ZNF385D: variants seen among roughly 807,000 people sequenced by gnomAD.
ZNF385D encodes the protein zinc finger protein 385D.
ZNF385D carries 15 observed loss-of-function variants against 35.8 expected under a neutral mutation model. That is an observed-to-expected ratio of 0.42 (90% CI 0.28 to 0.64). The LOEUF is 0.64. Among genes scored for constraint, ZNF385D ranks in the 30% least tolerant of loss-of-function variants. The probability of loss-of-function intolerance (pLI) is 0.23; values close to 1 mark genes in which losing one functional copy is unlikely to be tolerated. For synonymous variants in ZNF385D, 212 were observed against 186.8 expected, an observed-to-expected ratio of 1.13 and a Z score of -1.10; for missense variants, 474 against 494.6, an observed-to-expected ratio of 0.96 and a Z score of 0.39.
chr3:21,648,334 G>T (rs1017456155), intron 2 of ZNF385D, among the ~76,000 whole-genome samples: 1 of 152,104 alleles, frequency 6.6e-6, no homozygotes, highest in African/African-American at 2.4e-5. Flanking sequence ...TGCCATGATT[G>T]TGGGTTTCCT....
intron 3 of ZNF385D, among the ~76,000 whole-genome samples, chr3:21,885,629 T>G (rs978804894): frequency 1.3e-5 from 2 of 151,882 alleles, no homozygotes; most frequent in Non-Finnish European, 2.9e-5. Context: ...TTATATATTT[T>G]ATTGTTACTT....
At chr3:22,123,876 C>T (rs1263901461) in intron 3 of ZNF385D, among the ~76,000 whole-genome samples, 1 of 148,562 alleles carries the variant, frequency 6.7e-6, no homozygotes, top group African/African-American at 2.5e-5. Context: ...AAAACCAAAC[C>T]AAACCAAACC....
chr3:22,240,605 A>C (rs1368124781), intron 2 of ZNF385D, among the ~76,000 whole-genome samples: 3 of 151,044 alleles, frequency 2.0e-5, no homozygotes, highest in Non-Finnish European at 4.4e-5. Flanking sequence ...CCAGGGTAAG[A>C]AAGATGCCAG....
rs1702835602 is a variant in ZNF385D, at chr3:22,300,414, CA to C, written c.106+72035del. ...TTTTTTTTTTTTTTGGATATAACCCCAAAAGCACAGACAACAACAGGTAAAT... is the reference window on the plus strand; with the variant it reads ...TTTTTTTTTTTTTTGGATATAACCCCAAAGCACAGACAACAACAGGTAAAT... On this transcript the variant is annotated intron_variant, in intron 2 of 5. Coordinates refer to the ZNF385D transcript ENST00000494108. Among the ~76,000 whole-genome samples the C allele has an allele frequency of 1.3e-5, 2 of 150,546 alleles. 1 individual carries two copies. Among genetic ancestry groups the C allele is most frequent in the Non-Finnish European group, 3.0e-5 (2 of 67,606 alleles).
At chr3:21,778,092 C>T (rs1348551986) in intron 3 of ZNF385D, among the ~76,000 whole-genome samples, 2 of 151,804 alleles carry the variant, frequency 1.3e-5, no homozygotes, top group African/African-American at 4.8e-5. Flanking sequence ...TAATATAATT[C>T]CCTTAGAAGT....
chr3:21,760,427 A>G (rs1575602808), intron 3 of ZNF385D, among the ~76,000 whole-genome samples: 1 of 152,184 alleles, frequency 6.6e-6, no homozygotes, highest in Non-Finnish European at 1.5e-5. Flanking sequence ...CCTCTTATAA[A>G]GTATCTTCAA....
chr3:21,906,503 T>C (rs1699690803), intron 3 of ZNF385D, among the ~76,000 whole-genome samples: 1 of 152,292 alleles, frequency 6.6e-6, no homozygotes, highest in South Asian at 2.1e-4. Flanking sequence ...AACGGAGAAC[T>C]TTCAGGATGG....
intron 3 of ZNF385D, among the ~76,000 whole-genome samples, chr3:22,166,174 C>T (rs1236930556): frequency 3.3e-5 from 5 of 152,008 alleles, no homozygotes; most frequent in South Asian, 2.1e-4. Flanking sequence ...GGTTGTTTTT[C>T]GTGGCCTACA....
intron 2 of ZNF385D, among the ~76,000 whole-genome samples, chr3:22,203,168 A>T (rs1157185604): frequency 1.3e-5 from 2 of 152,174 alleles, no homozygotes; most frequent in Admixed American, 1.3e-4. Flanking sequence ...GAAGACAAAG[A>T]GGACTTTCTC....
At chr3:21,921,973 G>C (rs1003893499) in intron 3 of ZNF385D, among the ~76,000 whole-genome samples, 15 of 152,102 alleles carry the variant, frequency 9.9e-5, no homozygotes, top group African/African-American at 3.4e-4. Flanking sequence ...TGAGGAGGAA[G>C]CACTTCTTCC....
At chr3:21,710,811 G>A (rs1429046450) in intron 1 of ZNF385D, among the ~76,000 whole-genome samples, 2 of 152,102 alleles carry the variant, frequency 1.3e-5, no homozygotes, top group Non-Finnish European at 2.9e-5. Flanking sequence ...TAGGGTGGGG[G>A]AATGCATTAC....
At chr3:21,864,551 T>C (rs1029163042) in intron 3 of ZNF385D, among the ~76,000 whole-genome samples, 3 of 152,062 alleles carry the variant, frequency 2.0e-5, no homozygotes, top group African/African-American at 7.2e-5. Context: ...ACATCAAACA[T>C]ACCTCACAAT....
chr3:21,969,354 G>T (rs911438016), intron 3 of ZNF385D, among the ~76,000 whole-genome samples: 1 of 152,094 alleles, frequency 6.6e-6, no homozygotes, highest in African/African-American at 2.4e-5. Flanking sequence ...TCATGGTAGG[G>T]AGTTCTCACA....
chr3:21,904,872 A>G (rs1699593006), intron 3 of ZNF385D, among the ~76,000 whole-genome samples: 1 of 152,112 alleles, frequency 6.6e-6, no homozygotes, highest in African/African-American at 2.4e-5. Flanking sequence ...CACACAACAG[A>G]CTCTCAAATA....
intron 3 of ZNF385D, among the ~76,000 whole-genome samples, chr3:22,088,330 T>A (rs1701150709): frequency 1.3e-5 from 2 of 152,194 alleles, no homozygotes; most frequent in African/African-American, 4.8e-5. Flanking sequence ...ATCTTGCTCT[T>A]CATAGATAGC....
upstream of ZNF385D, chr3:21,751,386 GAAGAGTGT>G: frequency 9.7e-7 from 1 of 1,029,960 alleles, no homozygotes. Context: ...CTTAAAGCGA[GAAGAGTGT>G]CGGGATCCAC....
At chr3:22,103,719 T>A (rs1702059741) in intron 3 of ZNF385D, among the ~76,000 whole-genome samples, 1 of 134,920 alleles carries the variant, frequency 7.4e-6, no homozygotes, top group Non-Finnish European at 1.7e-5. Flanking sequence ...AAAACAATGG[T>A]GAAATAAAAA....
At chr3:22,098,799 T>C (rs980865009) in intron 3 of ZNF385D, among the ~76,000 whole-genome samples, 7 of 151,454 alleles carry the variant, frequency 4.6e-5, no homozygotes, top group African/African-American at 1.7e-4. Context: ...TAAATAAAGA[T>C]GAAAATAAAA....
intron 3 of ZNF385D, among the ~76,000 whole-genome samples, chr3:22,023,483 A>C (rs1253035684): frequency 1.3e-5 from 2 of 152,270 alleles, no homozygotes; most frequent in African/African-American, 4.8e-5. Flanking sequence ...TTTCAAATTA[A>C]AGTTTTACAT....
Sources: allele counts gnomAD v4.1 joint callset (sites outside exome capture counted in the v4.1 genomes callset), GRCh38; gene constraint gnomAD v4.1.1; transcripts MANE v1.5; gene names NCBI Gene and HGNC (gene_info 2026-07-23, HGNC 2026-07-21).